The following TMTC1 variants were observed in gnomAD, a reference collection of about 807,000 sequenced individuals.
The protein encoded by TMTC1 is transmembrane O-mannosyltransferase targeting cadherins 1.
Under a neutral mutation model 104.8 loss-of-function variants are expected in TMTC1, and 73 were observed. The ratio of observed to expected loss-of-function variants is 0.70; its 90% CI spans 0.58 to 0.85. TMTC1 has a LOEUF of 0.85. TMTC1 is among the 40% of genes least tolerant of loss of function. The pLI is 0.00. For synonymous variants in TMTC1, 434 were observed against 428.7 expected (o/e 1.01, Z -0.15); for missense variants, 1,035 against 1,096.1 (o/e 0.94, Z 0.79).
chr12:29,533,610 C>G (rs1231543602), intron 11 of TMTC1: 1 of 152,166 alleles, frequency 6.6e-6, no homozygotes, highest in Non-Finnish European at 1.5e-5. Context: ...AGATAAAGGT[C>G]AACCTGGAAA....
intron 7 of TMTC1, among the ~76,000 whole-genome samples, chr12:29,584,202 G>A (rs535062989): frequency 1.3e-5 from 2 of 152,266 alleles, no homozygotes; most frequent in African/African-American, 4.8e-5. Context: ...TAGGTGCAGG[G>A]TTAACATGTT....
At chr12:29,522,089 T>C (rs902102716) in intron 11 of TMTC1, among the ~76,000 whole-genome samples, 1 of 152,212 alleles carries the variant, frequency 6.6e-6, no homozygotes, top group African/African-American at 2.4e-5. Context: ...ATATATGCCC[T>C]GAGTATGGAC....
At chr12:29,620,632 C>T (rs1947107465) in intron 6 of TMTC1, among the ~76,000 whole-genome samples, 1 of 152,160 alleles carries the variant, frequency 6.6e-6, no homozygotes, top group South Asian at 2.1e-4. Context: ...GATCCAACTT[C>T]TCTATTTTCT....
At chr12:29,765,738 G>A (rs1943448881) in intron 2 of TMTC1, among the ~76,000 whole-genome samples, 2 of 152,084 alleles carry the variant, frequency 1.3e-5, no homozygotes, top group Non-Finnish European at 2.9e-5. Context: ...TCAGTTGTCT[G>A]TGGCTGAATC....
At chr12:29,721,247 AT>A (rs1368269219) in intron 5 of TMTC1, among the ~76,000 whole-genome samples, 1 of 152,174 alleles carries the variant, frequency 6.6e-6, no homozygotes, top group Admixed American at 6.5e-5. Context: ...CTACTTGATA[AT>A]AATAGGATAT....
intron 7 of TMTC1, among the ~76,000 whole-genome samples, chr12:29,594,722 G>A (rs1459317650): frequency 6.6e-6 from 1 of 152,164 alleles, no homozygotes; most frequent in Non-Finnish European, 1.5e-5. Flanking sequence ...CAAAGTTACG[G>A]CCCACTTTGT....
intron 4 of TMTC1, among the ~76,000 whole-genome samples, chr12:29,754,166 A>T (rs1405911120): frequency 1.8e-5 from 2 of 113,168 alleles, no homozygotes; most frequent in East Asian, 5.4e-4. Flanking sequence ...CGCCCAGCCT[A>T]AAAGTTTCTT....
chr12:29,604,541 C>T (rs947049458), intron 6 of TMTC1, among the ~76,000 whole-genome samples: 8 of 152,112 alleles, frequency 5.3e-5, no homozygotes, highest in African/African-American at 1.9e-4. Context: ...GATATTGGCC[C>T]ACTACAGTCA....
chr12:29,706,277 G>T (rs914629775), intron 5 of TMTC1, among the ~76,000 whole-genome samples: 3 of 152,162 alleles, frequency 2.0e-5, no homozygotes, highest in African/African-American at 7.2e-5. Context: ...AGGTTTAGAT[G>T]GGGAGAGATG....
rs1943881986 is a variant in TMTC1 at position 29,783,410 on chromosome 12, A to G, written c.302+40T>C. On this transcript the variant is annotated intron_variant, in intron 1 of 17. Coordinates refer to ENST00000539277, the MANE Select transcript of TMTC1 (RefSeq NM_001193451.2). This position sits in a 1 kb window ranked among gnomAD's most constrained non-coding sequence, Gnocchi z 4.7. The stretch of plus-strand genomic sequence containing the variant: ...CCGGTCCGAGGGACGGGCGGAGGGT[A>G]GAGGAGGCAGCGGCGGCTAGCGCGA... 1.3e-5 allele frequency: 17 copies of G among 1,278,348 alleles called. No homozygotes were observed. The highest frequency in any genetic ancestry group is 3.1e-5 in the East Asian group (1 of 31,896). 79.2% of individuals were successfully genotyped at this position (1,278,348 alleles called of 1,614,324 possible). A position where few individuals can be genotyped will look rare whatever the true frequency, so the allele number is the denominator to read the frequency against.
intron 2 of TMTC1, among the ~76,000 whole-genome samples, chr12:29,761,855 C>T (rs911812520): frequency 6.6e-6 from 1 of 152,132 alleles, no homozygotes; most frequent in African/African-American, 2.4e-5. Flanking sequence ...GCAATGAGCA[C>T]GCTTTGCAGT....
intron 6 of TMTC1, among the ~76,000 whole-genome samples, chr12:29,608,218 T>G (rs778550507): frequency 6.6e-6 from 1 of 152,324 alleles, no homozygotes. Context: ...TTTTCTAGAA[T>G]GAGACAGACT....
intron 6 of TMTC1, among the ~76,000 whole-genome samples, chr12:29,612,408 T>A (rs7303079): frequency 0.23 from 34,919 of 151,648 alleles, 4,886 homozygotes; most frequent in East Asian, 0.38. Flanking sequence ...TTCATCTTTT[T>A]AAAAAAAAAT....
chr12:29,548,903 T>C (rs1458840980), intron 10 of TMTC1, among the ~76,000 whole-genome samples: 2 of 141,754 alleles, frequency 1.4e-5, no homozygotes, highest in East Asian at 4.0e-4. Context: ...ATATAATTAT[T>C]AATATATTTA....
At chr12:29,750,418 T>C (rs1340249837) in intron 5 of TMTC1, among the ~76,000 whole-genome samples, 3 of 152,196 alleles carry the variant, frequency 2.0e-5, no homozygotes, top group Admixed American at 2.0e-4. Flanking sequence ...ATTGTCTACC[T>C]TCCTCTACTA....
At chr12:29,526,652 C>T (rs1253184201) in intron 11 of TMTC1, among the ~76,000 whole-genome samples, 3 of 152,060 alleles carry the variant, frequency 2.0e-5, no homozygotes, top group African/African-American at 7.2e-5. Flanking sequence ...TCTTTTCATC[C>T]TTTCTGTGAA....
chr12:29,726,796 T>C (rs1224109575), intron 5 of TMTC1, among the ~76,000 whole-genome samples: 2 of 152,162 alleles, frequency 1.3e-5, no homozygotes, highest in Admixed American at 1.3e-4. Context: ...ACCATCAATC[T>C]AGAGATTATC....
chr12:29,708,099 A>G (rs946468473), intron 5 of TMTC1, among the ~76,000 whole-genome samples: 3 of 152,210 alleles, frequency 2.0e-5, no homozygotes, highest in African/African-American at 7.2e-5. Context: ...ACTGTGGGAT[A>G]TGTCAGGGAA....
chr12:29,625,515 C>T (rs770490817), intron 6 of TMTC1, among the ~76,000 whole-genome samples: 25 of 152,156 alleles, frequency 1.6e-4, no homozygotes, highest in African/African-American at 4.3e-4. Context: ...TCTAGTTAAA[C>T]GGTTGCAAAG....
Sources: allele counts gnomAD v4.1 joint callset (sites outside exome capture counted in the v4.1 genomes callset), GRCh38; gene constraint gnomAD v4.1.1; non-coding constraint Gnocchi (gnomAD v3.1); transcripts MANE v1.5; gene names NCBI Gene and HGNC (gene_info 2026-07-23, HGNC 2026-07-21).